PRKN: variants seen among roughly 807,000 people sequenced by gnomAD.
The protein encoded by PRKN is E3 ubiquitin-protein ligase parkin.
In PRKN, 56 loss-of-function variants were observed where a neutral mutation model predicts 59.5. The ratio of observed to expected loss-of-function variants is 0.94; its 90% confidence interval spans 0.76 to 1.18. The LOEUF (loss-of-function observed/expected upper bound fraction) is 1.18, where lower values mean the gene tolerates loss of function less well. Among genes scored for constraint, PRKN ranks in the 50% most tolerant of loss-of-function variants. The pLI, the probability that PRKN is intolerant of heterozygous loss-of-function variation, is 0.00. For missense variants in PRKN, 657 were observed against 596.4 expected (o/e 1.10, Z -1.06); for synonymous variants, 250 against 222.1 (o/e 1.13, Z -1.12).
At chr6:162,169,071 G>A (rs533127959) in intron 4 of PRKN, among the ~76,000 whole-genome samples, 39 of 152,268 alleles carry the variant, frequency 2.6e-4, no homozygotes, top group Middle Eastern at 3.4e-3. Flanking sequence ...ACTGAGCTGT[G>A]CTGAAGACTT....
At chr6:162,675,282 T>G (rs1779497779) in intron 1 of PRKN, among the ~76,000 whole-genome samples, 1 of 152,020 alleles carries the variant, frequency 6.6e-6, no homozygotes, top group South Asian at 2.1e-4. Context: ...TCTCTTGACC[T>G]CATGATCCCC....
intron 7 of PRKN, among the ~76,000 whole-genome samples, chr6:161,632,098 C>T (rs74757108): frequency 0.016 from 2,410 of 152,318 alleles, 36 homozygotes; most frequent in Middle Eastern, 0.041. Flanking sequence ...AGAGCAGCTC[C>T]TGTTTCCAAT....
At chr6:161,366,769 G>C (rs1785216161) in intron 10 of PRKN, among the ~76,000 whole-genome samples, 1 of 151,982 alleles carries the variant, frequency 6.6e-6, no homozygotes, top group Non-Finnish European at 1.5e-5. Flanking sequence ...TAACCAGCCC[G>C]GGTGTTTCTG....
At chr6:161,944,446 C>T (rs1338635084) in intron 6 of PRKN, among the ~76,000 whole-genome samples, 2 of 151,522 alleles carry the variant, frequency 1.3e-5, no homozygotes, top group Non-Finnish European at 2.9e-5. Context: ...TGCCCCATCA[C>T]CATTTTTTTT....
Position 161,399,691 on chromosome 6 carries a change from A to T in PRKN, c.1084-12814T>A, listed in dbSNP as rs1274687052. 6.6e-6 allele frequency among the ~76,000 whole-genome samples: 1 copy of T among 152,118 alleles called. No individual in the cohort carries two copies. Among genetic ancestry groups the T allele is most frequent in the Non-Finnish European group, 1.5e-5 (1 of 68,032 alleles). ...TTTGCTGGAAATGATAGCCCCCAGA[A>T]AGTACCAATCCCAGTGCTAGGGATG... On this transcript the variant is annotated intron_variant, in intron 9 of 11. Coordinates refer to ENST00000366898, the MANE Select transcript of PRKN (RefSeq NM_004562.3). This position sits in a 1 kb window ranked among gnomAD's most constrained non-coding sequence, Gnocchi z 4.4.
intron 1 of PRKN, among the ~76,000 whole-genome samples, chr6:162,462,552 C>T (rs941583596): frequency 6.6e-6 from 1 of 152,066 alleles, no homozygotes; most frequent in Admixed American, 6.6e-5. Flanking sequence ...CATGTATAGT[C>T]TCCCCCAATA....
chr6:162,161,680 A>G (rs2128316837), intron 4 of PRKN, among the ~76,000 whole-genome samples: 1 of 152,184 alleles, frequency 6.6e-6, no homozygotes, highest in South Asian at 2.1e-4. Flanking sequence ...ATCCAGAATC[A>G]CCTGACGCAG....
chr6:161,947,127 CGT>C, intron 6 of PRKN, among the ~76,000 whole-genome samples: 1 of 151,512 alleles, frequency 6.6e-6, no homozygotes, highest in East Asian at 1.9e-4. Context: ...AATGTTTATA[CGT>C]GTTATATGTA....
chr6:162,255,726 C>T (rs565500352), intron 3 of PRKN, among the ~76,000 whole-genome samples: 4 of 152,176 alleles, frequency 2.6e-5, no homozygotes, highest in Non-Finnish European at 5.9e-5. Flanking sequence ...ATGGCAGACA[C>T]ATCACAGCCC....
chr6:162,716,321 T>C (rs563364385), intron 1 of PRKN, among the ~76,000 whole-genome samples: 1 of 152,322 alleles, frequency 6.6e-6, no homozygotes, highest in Admixed American at 6.5e-5. Flanking sequence ...CTGTGAGAAA[T>C]TACAAGATTT....
At chr6:161,531,012 C>T (rs1056944940) in intron 9 of PRKN, among the ~76,000 whole-genome samples, 2 of 152,200 alleles carry the variant, frequency 1.3e-5, no homozygotes, top group Non-Finnish European at 2.9e-5. Context: ...GAACATAGCA[C>T]TCCACCATCT....
chr6:162,589,064 G>T (rs1391319921), intron 1 of PRKN, among the ~76,000 whole-genome samples: 3 of 152,066 alleles, frequency 2.0e-5, no homozygotes. Flanking sequence ...GGGCACCATG[G>T]CTCATCAATC....
At position 161,530,344 on chromosome 6, in the gene PRKN, T is replaced by C. The variant is rs1414095966; in HGVS notation, c.1083+18510A>G. Reference sequence around the variant, plus strand: ...TCCCAGTGTCTAGGGAAATGCACCTTCTCCTGTGACATTGCATATCATCTT... The same window carrying C: ...TCCCAGTGTCTAGGGAAATGCACCTCCTCCTGTGACATTGCATATCATCTT... On this transcript the variant is annotated intron_variant, in intron 9 of 11. Coordinates refer to ENST00000366898, the MANE Select transcript of PRKN (RefSeq NM_004562.3). This position sits in a 1 kb window ranked among gnomAD's most constrained non-coding sequence, Gnocchi z 5.0. Among the ~76,000 whole-genome samples the C allele has an allele frequency of 1.3e-5, 2 of 152,116 alleles. No homozygotes were observed. Among genetic ancestry groups the C allele is most frequent in the East Asian group, 3.9e-4 (2 of 5,178 alleles).
At chr6:161,804,598 G>C (rs1194785329) in intron 6 of PRKN, among the ~76,000 whole-genome samples, 1 of 152,192 alleles carries the variant, frequency 6.6e-6, no homozygotes, top group Non-Finnish European at 1.5e-5. Flanking sequence ...GTATTGAAGA[G>C]ATTTGGAGAC....
chr6:161,787,173 T>C (rs991861035), intron 6 of PRKN, among the ~76,000 whole-genome samples: 1 of 152,198 alleles, frequency 6.6e-6, no homozygotes. Context: ...AAATGAATAA[T>C]ACTAATAATA....
At chr6:161,618,763 T>C (rs1437071894) in intron 7 of PRKN, among the ~76,000 whole-genome samples, 1 of 152,170 alleles carries the variant, frequency 6.6e-6, no homozygotes, top group Non-Finnish European at 1.5e-5. Context: ...ATTATGCAAA[T>C]GTATAAATCT....
intron 1 of PRKN, among the ~76,000 whole-genome samples, chr6:162,698,520 T>C (rs1042856714): frequency 1.3e-5 from 2 of 152,154 alleles, no homozygotes; most frequent in African/African-American, 4.8e-5. Flanking sequence ...ACCCCAAGGA[T>C]GGTGGCTTGC....
chr6:161,984,687 C>T (rs570380077), intron 5 of PRKN, among the ~76,000 whole-genome samples: 25 of 152,086 alleles, frequency 1.6e-4, no homozygotes, highest in South Asian at 6.2e-4. Flanking sequence ...TGACCTTAGG[C>T]GTTGTCCCCT....
At chr6:161,623,025 C>T (rs1184839840) in intron 7 of PRKN, among the ~76,000 whole-genome samples, 1 of 152,170 alleles carries the variant, frequency 6.6e-6, no homozygotes, top group Non-Finnish European at 1.5e-5. Flanking sequence ...CTGTCTATTT[C>T]ATGTGCTATA....
Sources: gnomAD v4.1 joint callset for allele counts (sites outside exome capture counted in the v4.1 genomes callset) on GRCh38, gnomAD v4.1.1 for gene constraint, Gnocchi (gnomAD v3.1) non-coding constraint, MANE v1.5 for transcripts, NCBI Gene and HGNC (gene_info 2026-07-23, HGNC 2026-07-21) for gene names.